Variants in RICTOR observed in about 807,000 individuals in gnomAD.
RICTOR encodes RPTOR independent companion of MTOR complex 2.
A neutral mutation model predicts 214.9 loss-of-function variants in RICTOR; 49 were observed. That is an observed-to-expected ratio of 0.23 (90% CI 0.18 to 0.29). RICTOR has a LOEUF of 0.29. Ranked by LOEUF, RICTOR falls within the 10% of genes least tolerant of loss-of-function variation. RICTOR has a pLI of 1.00. For missense variants in RICTOR, 1,625 were observed against 2,047.0 expected (o/e 0.79, Z 3.98); for synonymous variants, 717 against 711.3 (o/e 1.01, Z -0.13).
At chr5:38,982,339 ATC>A (rs1366906541) in intron 7 of RICTOR, among the ~76,000 whole-genome samples, 20 of 152,124 alleles carry the variant, frequency 1.3e-4, no homozygotes, top group Admixed American at 2.6e-4. Context: ...TTAGCCATTT[ATC>A]TGTCTCAAAT....
At chr5:39,051,698 A>T (rs192878423) in intron 2 of RICTOR, among the ~76,000 whole-genome samples, 5 of 152,212 alleles carry the variant, frequency 3.3e-5, no homozygotes, top group African/African-American at 1.2e-4. Flanking sequence ...GGCTGCAGTG[A>T]GCCAAGATCA....
rs1163256752 is a variant in RICTOR, at chr5:38,940,598, A to G, written c.*1706T>C. The G allele has an allele frequency of 8.6e-6, 2 of 232,622 alleles. No homozygotes were observed. Among genetic ancestry groups the G allele is most frequent in the African/African-American group, 4.4e-5 (2 of 45,318 alleles). 14.4% of individuals were successfully genotyped at this position (232,622 alleles called of 1,614,324 possible). A position where few individuals can be genotyped will look rare whatever the true frequency, so the allele number is the denominator to read the frequency against. On this transcript the variant is annotated 3_prime_UTR_variant, in exon 38 of 38. Transcript: ENST00000357387. ...CTGGATTTTATGAGAGAAAATCTGA[A>G]GAACCACTTTTCAACATAAGCAGCA...
At chr5:38,995,453 T>G (rs1753110337) in intron 6 of RICTOR, among the ~76,000 whole-genome samples, 1 of 151,930 alleles carries the variant, frequency 6.6e-6, no homozygotes, top group East Asian at 1.9e-4. Flanking sequence ...AAAGATTACA[T>G]ACGGGGTACA....
chr5:38,999,749 T>C (rs1182082258), intron 5 of RICTOR, among the ~76,000 whole-genome samples: 1 of 151,954 alleles, frequency 6.6e-6, no homozygotes, highest in Non-Finnish European at 1.5e-5. Context: ...CACAAATAAT[T>C]ACATTAGACA....
intron 5 of RICTOR, among the ~76,000 whole-genome samples, chr5:38,998,293 C>G (rs1753328246): frequency 6.6e-6 from 1 of 152,222 alleles, no homozygotes; most frequent in African/African-American, 2.4e-5. Flanking sequence ...TGAGACAGAG[C>G]TGGTGCCTTG....
chr5:38,962,900 A>C lies in RICTOR; in HGVS notation c.1542T>G (p.Val514=). 6.2e-7 allele frequency: 1 copy of C among 1,612,730 alleles called. No individual in the cohort carries two copies. The highest frequency in any genetic ancestry group is 8.5e-7 in the Non-Finnish European group (1 of 1,178,942). ...THQKRDQYLR[V]QKDIFILKDT... ...CCTTAAGGATAAATATATCTTTCTG[A>C]ACTCGGAGATACTGATCCCGTTTCT... Residue 514 remains valine, a synonymous_variant, in exon 17 of 38, where the codon GTT becomes GTG. Coordinates refer to ENST00000357387, the MANE Select transcript of RICTOR (RefSeq NM_152756.5).
intron 24 of RICTOR, 80 bp downstream of exon 24, chr5:38,958,363 T>C (rs1749492689): frequency 1.1e-6 from 1 of 875,868 alleles, no homozygotes; most frequent in Non-Finnish European, 1.9e-6. Flanking sequence ...TACTTCCCAT[T>C]TGGATTTGAA....
At chr5:38,982,653 G>A (rs1283359179) in intron 7 of RICTOR, among the ~76,000 whole-genome samples, 1 of 151,976 alleles carries the variant, frequency 6.6e-6, no homozygotes, top group Non-Finnish European at 1.5e-5. Flanking sequence ...TCCCAAACTA[G>A]TTTTTGTACT....
At chr5:38,953,217 C>A in intron 28 of RICTOR, 126 bp from the exon 29 acceptor site, 1 of 658,040 alleles carries the variant, frequency 1.5e-6, no homozygotes, top group Admixed American at 2.9e-5. Context: ...TCCTCAAGTA[C>A]AAAACATTAG....
intron 2 of RICTOR, among the ~76,000 whole-genome samples, chr5:39,044,832 T>A (rs567682384): frequency 6.6e-6 from 1 of 152,314 alleles, no homozygotes; most frequent in East Asian, 1.9e-4. Flanking sequence ...TTCCACCCTC[T>A]CAAGCACTAT....
intron 7 of RICTOR, among the ~76,000 whole-genome samples, chr5:38,990,085 C>A (rs935071971): frequency 6.6e-6 from 1 of 152,096 alleles, no homozygotes; most frequent in Non-Finnish European, 1.5e-5. Flanking sequence ...AGGTTTGGAA[C>A]CACCTCAAAT....
intron 5 of RICTOR, among the ~76,000 whole-genome samples, chr5:39,002,169 C>CAAAAAAA (rs70982532): frequency 1.6e-5 from 2 of 122,556 alleles, no homozygotes; most frequent in African/African-American, 6.3e-5. Flanking sequence ...TGTTACACAG[C>CAAAAAAA]AAAAAAAAAA....
chr5:39,039,524 C>A (rs912220207), intron 2 of RICTOR, among the ~76,000 whole-genome samples: 3 of 152,128 alleles, frequency 2.0e-5, no homozygotes, highest in Non-Finnish European at 4.4e-5. Context: ...TCAGAGTGAA[C>A]AGGTAACCTA....
At chr5:39,073,639 C>T (rs1265730431) in intron 2 of RICTOR, among the ~76,000 whole-genome samples, 3 of 152,200 alleles carry the variant, frequency 2.0e-5, no homozygotes, top group Non-Finnish European at 4.4e-5. Context: ...AAAGCAGTCA[C>T]GCAGTCGGCA....
intron 2 of RICTOR, among the ~76,000 whole-genome samples, chr5:39,046,706 C>T (rs1438220284): frequency 3.3e-5 from 5 of 152,144 alleles, no homozygotes; most frequent in African/African-American, 9.7e-5. Flanking sequence ...CATAACTATC[C>T]TTCACTGTTC....
At chr5:38,951,002 T>C (rs1332050602) in intron 30 of RICTOR, among the ~76,000 whole-genome samples, 1 of 151,926 alleles carries the variant, frequency 6.6e-6, no homozygotes. Context: ...AAGTTTCTTT[T>C]GATTCTCCAA....
chr5:39,074,292 G>A, intron 1 of RICTOR, 37 bp downstream of exon 1: 1 of 1,561,216 alleles, frequency 6.4e-7, no homozygotes, highest in South Asian at 1.2e-5. Flanking sequence ...GGTGGCGGGC[G>A]CCGGGCGGTG....
intron 6 of RICTOR, among the ~76,000 whole-genome samples, chr5:38,993,055 T>C (rs974308008): frequency 2.0e-5 from 3 of 152,146 alleles, no homozygotes; most frequent in Non-Finnish European, 4.4e-5. Flanking sequence ...GTGGGTAGTT[T>C]GCCTACACAT....
chr5:39,013,942 G>A (rs1261694094), intron 3 of RICTOR, among the ~76,000 whole-genome samples: 1 of 152,002 alleles, frequency 6.6e-6, no homozygotes, highest in East Asian at 1.9e-4. Context: ...AGTCAATGAT[G>A]GATCACATGT....
Sources: allele counts gnomAD v4.1 joint callset (sites outside exome capture counted in the v4.1 genomes callset), GRCh38; gene constraint gnomAD v4.1.1; transcripts MANE v1.5; gene names NCBI Gene and HGNC (gene_info 2026-07-23, HGNC 2026-07-21).